The following SLIT2 variants were observed in gnomAD, a reference collection of about 807,000 sequenced individuals.
The protein encoded by SLIT2 is slit guidance ligand 2, also known as slit homolog 2 protein.
SLIT2 carries 41 observed loss-of-function variants against 185.7 expected under a neutral mutation model. The ratio of observed to expected loss-of-function variants is 0.22; its 90% CI spans 0.17 to 0.29. The LOEUF is 0.29. Among genes scored for constraint, SLIT2 ranks in the 10% least tolerant of loss-of-function variants. The pLI is 1.00. For synonymous variants in SLIT2, 693 were observed against 680.2 expected (o/e 1.02, Z -0.29); for missense variants, 1,571 against 1,909.0 (o/e 0.82, Z 3.30).
intron 9 of SLIT2, among the ~76,000 whole-genome samples, chr4:20,502,494 G>A (rs1393764941): frequency 6.6e-6 from 1 of 152,160 alleles, no homozygotes; most frequent in African/African-American, 2.4e-5. Context: ...TACACAAACA[G>A]AATTTTAAAC....
intron 4 of SLIT2, among the ~76,000 whole-genome samples, chr4:20,463,953 T>C (rs765620509): frequency 1.7e-4 from 26 of 152,048 alleles, no homozygotes; most frequent in Non-Finnish European, 3.7e-4. Context: ...CCAACTTCAT[T>C]AATGGTCCTC....
At chr4:20,605,236 T>C (rs1728700322) in intron 33 of SLIT2, among the ~76,000 whole-genome samples, 2 of 152,178 alleles carry the variant, frequency 1.3e-5, no homozygotes, top group Admixed American at 6.5e-5. Flanking sequence ...TGTTAGTGTG[T>C]TGTGTGTATG....
intron 4 of SLIT2, among the ~76,000 whole-genome samples, chr4:20,288,599 A>G (rs1400436948): frequency 1.3e-5 from 2 of 152,200 alleles, no homozygotes; most frequent in African/African-American, 4.8e-5. Context: ...TAATTTAACA[A>G]TAAGACATAA....
At chr4:20,307,149 TC>T (rs1261631223) in intron 4 of SLIT2, among the ~76,000 whole-genome samples, 2 of 32,436 alleles carry the variant, frequency 6.2e-5, no homozygotes, top group African/African-American at 1.5e-4. Context: ...CCTCCCTCCC[TC>T]CCTCCCTCCC....
At chr4:20,504,780 G>T (rs910172102) in intron 9 of SLIT2, among the ~76,000 whole-genome samples, 17 of 152,174 alleles carry the variant, frequency 1.1e-4, no homozygotes, top group Non-Finnish European at 2.1e-4. Context: ...CTCTTCCACA[G>T]TTTTGCTCTA....
chr4:20,605,471 G>A (rs745792452), intron 33 of SLIT2, among the ~76,000 whole-genome samples: 1 of 152,102 alleles, frequency 6.6e-6, no homozygotes, highest in East Asian at 1.9e-4. Context: ...ATTCCCAGTG[G>A]AAAGGCCCAA....
chr4:20,295,836 A>C (rs75790832), intron 4 of SLIT2, among the ~76,000 whole-genome samples: 1 of 92,302 alleles, frequency 1.1e-5, no homozygotes, highest in Admixed American at 1.6e-4. Context: ...GAGTACTAGG[A>C]AAAAAAAATA....
intron 26 of SLIT2, among the ~76,000 whole-genome samples, chr4:20,556,239 A>T (rs587883): frequency 6.6e-6 from 1 of 151,548 alleles, no homozygotes; most frequent in East Asian, 1.9e-4. Context: ...TATTTTGTAA[A>T]GTGAGAGAGA....
intron 27 of SLIT2, 32 bp from the exon 28 acceptor site, chr4:20,567,483 ACTT>A: frequency 2.5e-6 from 4 of 1,608,194 alleles, no homozygotes; most frequent in Non-Finnish European, 3.4e-6. Flanking sequence ...GCCAAGAACT[ACTT>A]CACTCGACTA....
chr4:20,567,766 G>A (rs1725225581), intron 28 of SLIT2, 151 bp downstream of exon 28: 2 of 644,374 alleles, frequency 3.1e-6, no homozygotes, highest in African/African-American at 1.8e-5. Flanking sequence ...CGTAGATATT[G>A]CAATATAAAA....
chr4:20,253,733 G>A lies in SLIT2; in HGVS notation c.-83G>A, dbSNP rs889407143. ...GGTTGCTAGCCCCGCCGGGCACTGGGCCTCAGACACTGCGCGGTTCCCTCG... is the reference window on the plus strand; with the variant it reads ...GGTTGCTAGCCCCGCCGGGCACTGGACCTCAGACACTGCGCGGTTCCCTCG... On this transcript the variant is annotated 5_prime_UTR_variant, in exon 1 of 37. Coordinates refer to ENST00000504154, the MANE Select transcript of SLIT2 (RefSeq NM_004787.4). 1.3e-6 allele frequency: 2 copies of A among 1,522,678 alleles called. No individual in the cohort carries two copies. The highest frequency in any genetic ancestry group is 1.4e-5 in the African/African-American group (1 of 73,514). The allele number at this position is 1,522,678 out of a possible 1,614,324, so 94.3% of individuals were successfully genotyped here. A position where few individuals can be genotyped will look rare whatever the true frequency, so the allele number is the denominator to read the frequency against.
intron 4 of SLIT2, among the ~76,000 whole-genome samples, chr4:20,381,193 C>T (rs958501610): frequency 2.0e-5 from 3 of 151,972 alleles, no homozygotes; most frequent in Non-Finnish European, 4.4e-5. Context: ...TCGGAGGTTG[C>T]AGTGAGCTGA....
At chr4:20,512,950 TTTG>T (rs1257064981) in intron 11 of SLIT2, among the ~76,000 whole-genome samples, 1 of 152,196 alleles carries the variant, frequency 6.6e-6, no homozygotes, top group Non-Finnish European at 1.5e-5. Flanking sequence ...TTTATTATAA[TTTG>T]TTACTTCTTT....
intron 18 of SLIT2, among the ~76,000 whole-genome samples, chr4:20,533,934 TACACAC>T (rs3049205): frequency 1.3e-5 from 2 of 151,096 alleles, no homozygotes; most frequent in East Asian, 2.0e-4. Flanking sequence ...CGATGTGTGT[TACACAC>T]ACACACACAC....
At chr4:20,348,371 C>T (rs1349109609) in intron 4 of SLIT2, among the ~76,000 whole-genome samples, 8 of 150,734 alleles carry the variant, frequency 5.3e-5, no homozygotes, top group South Asian at 2.1e-4. Flanking sequence ...CCCAAGTAGC[C>T]GGGACTACAG....
In SLIT2 at chr4:20,252,560, C is replaced by A. The variant is rs78706734; in HGVS notation, c.-1256C>A. Among the ~76,000 whole-genome samples, 6,596 of 151,986 alleles carry A rather than the reference C, an allele frequency of 0.043. 352 individuals carry two copies. Among genetic ancestry groups the A allele is most frequent in the African/African-American group, 0.11 (4,765 of 41,456 alleles). The stretch of plus-strand genomic sequence containing the variant: ...AAAAGTTGCTGCACTTTGAGAAGGA[C>A]GAACCACTAGTGGGAGACCGCCGGG... On this transcript the variant is annotated 5_prime_UTR_variant, in exon 1 of 37. Transcript: ENST00000504154.
chr4:20,467,931 A>G (rs1043072712), intron 5 of SLIT2, 108 bp downstream of exon 5: 42 of 562,936 alleles, frequency 7.5e-5, no homozygotes, highest in Non-Finnish European at 1.2e-4. Context: ...CCCTGTGTAT[A>G]TTTATGCTTG....
intron 4 of SLIT2, among the ~76,000 whole-genome samples, chr4:20,316,475 T>C (rs1362749425): frequency 6.6e-6 from 1 of 151,950 alleles, no homozygotes; most frequent in Non-Finnish European, 1.5e-5. Flanking sequence ...GGTATTTTGC[T>C]TGTTGGATCC....
chr4:20,415,823 G>C (rs1727627687), intron 4 of SLIT2, among the ~76,000 whole-genome samples: 6 of 152,072 alleles, frequency 3.9e-5, no homozygotes, highest in Admixed American at 3.9e-4. Flanking sequence ...AGCTCAAAGA[G>C]ATTTAACATT....
Sources: allele counts gnomAD v4.1 joint callset (sites outside exome capture counted in the v4.1 genomes callset), GRCh38; gene constraint gnomAD v4.1.1; transcripts MANE v1.5; gene names NCBI Gene and HGNC (gene_info 2026-07-23, HGNC 2026-07-21).